The following DOK6 variants were observed in gnomAD, a reference collection of about 807,000 sequenced individuals.
DOK6 encodes the protein downstream of tyrosine kinase 6.
In DOK6, 22 loss-of-function variants were observed where a neutral mutation model predicts 44.0. That is an observed-to-expected ratio of 0.50 (90% CI 0.36 to 0.71). The LOEUF is 0.71. DOK6 is among the 30% of genes least tolerant of loss of function. The pLI, the probability that DOK6 is intolerant of heterozygous loss-of-function variation, is 0.00. For missense variants in DOK6, 340 were observed against 416.4 expected (o/e 0.82, Z 1.60); for synonymous variants, 166 against 145.5 (o/e 1.14, Z -1.01).
chr18:69,841,128 C>CTTT, intron 7 of DOK6, 116 bp from the exon 8 acceptor site: 1 of 1,342,220 alleles, frequency 7.5e-7, no homozygotes, highest in South Asian at 1.4e-5. Flanking sequence ...AAAGCTGCTG[C>CTTT]CTTGTTTATT....
At chr18:69,525,328 T>G (rs1367861772) in intron 1 of DOK6, among the ~76,000 whole-genome samples, 1 of 151,982 alleles carries the variant, frequency 6.6e-6, no homozygotes, top group Non-Finnish European at 1.5e-5. Context: ...CTTTATATTT[T>G]AAAATTTTAA....
intron 2 of DOK6, among the ~76,000 whole-genome samples, chr18:69,593,136 TG>T (rs1983659747): frequency 6.6e-6 from 1 of 152,118 alleles, no homozygotes; most frequent in Non-Finnish European, 1.5e-5. Flanking sequence ...AGGCCAAGGC[TG>T]GAAGGTAGCT....
At chr18:69,785,738 G>C (rs185206853) in intron 7 of DOK6, among the ~76,000 whole-genome samples, 4 of 152,124 alleles carry the variant, frequency 2.6e-5, no homozygotes, top group Admixed American at 6.5e-5. Context: ...CCTCATTCCT[G>C]ACATTACGTT....
At position 69,435,037 on chromosome 18, in the gene DOK6, A is replaced by AGGACGGACGGAC. The variant is rs796877837; in HGVS notation, c.66+33730_66+33731insCGGACGGACGGA. ...GTGTAGGGAGGGAGGGAAGGAAGGAAGGAAGGAAGGAAGGAAGGAAGGAAG... is the reference window on the plus strand; with the variant it reads ...GTGTAGGGAGGGAGGGAAGGAAGGAAGGACGGACGGACGGAAGGAAGGAAGGAAGGAAGGAAG... On this transcript the variant is annotated intron_variant, in intron 1 of 7. Transcript: ENST00000382713. Among the ~76,000 whole-genome samples, 286 of 78,362 alleles carry AGGACGGACGGAC rather than the reference A, an allele frequency of 3.6e-3. 7 individuals carry two copies. The highest frequency in any genetic ancestry group is 0.013 in the African/African-American group (260 of 20,190). The allele number at this position is 78,362 out of a possible 152,430, so 51.4% of individuals were successfully genotyped here.
chr18:69,802,504 C>A (rs1002634716), intron 7 of DOK6, among the ~76,000 whole-genome samples: 1 of 152,032 alleles, frequency 6.6e-6, no homozygotes, highest in Non-Finnish European at 1.5e-5. Context: ...TGTTTTGTCA[C>A]CTCCAAATCT....
At chr18:69,611,386 G>T (rs1415676215) in intron 3 of DOK6, among the ~76,000 whole-genome samples, 1 of 152,082 alleles carries the variant, frequency 6.6e-6, no homozygotes, top group Non-Finnish European at 1.5e-5. Context: ...AGTCAGTTTG[G>T]AAAACTGTTT....
At chr18:69,429,035 A>G (rs1304770374) in intron 1 of DOK6, among the ~76,000 whole-genome samples, 1 of 152,210 alleles carries the variant, frequency 6.6e-6, no homozygotes, top group Admixed American at 6.5e-5. Flanking sequence ...TGCTTGGACT[A>G]CTTCGATCTG....
intron 1 of DOK6, among the ~76,000 whole-genome samples, chr18:69,476,961 G>T (rs1980282917): frequency 6.6e-6 from 1 of 152,162 alleles, no homozygotes; most frequent in Admixed American, 6.5e-5. Context: ...ACAGTAAAAG[G>T]TTGCTTGGAT....
intron 1 of DOK6, among the ~76,000 whole-genome samples, chr18:69,550,986 G>A (rs1982552680): frequency 6.7e-6 from 1 of 150,274 alleles, no homozygotes; most frequent in African/African-American, 2.4e-5. Flanking sequence ...ATTTCATCAT[G>A]TTGCCCAGGC....
chr18:69,520,246 A>T (rs942135209), intron 1 of DOK6, among the ~76,000 whole-genome samples: 6 of 151,112 alleles, frequency 4.0e-5, no homozygotes, highest in Non-Finnish European at 5.9e-5. Flanking sequence ...AAATATATTT[A>T]CTTATTTAAA....
At chr18:69,662,317 T>A (rs1223017204) in intron 3 of DOK6, 1 of 152,290 alleles carries the variant, frequency 6.6e-6, no homozygotes, top group Non-Finnish European at 1.5e-5. Context: ...CTCTTCTGTC[T>A]TGTTTCTCCT....
intron 3 of DOK6, among the ~76,000 whole-genome samples, chr18:69,668,649 T>C (rs959751842): frequency 6.6e-6 from 1 of 152,182 alleles, no homozygotes; most frequent in Non-Finnish European, 1.5e-5. Flanking sequence ...TAGTTCTCTA[T>C]GGACTTTTGT....
rs748333355 is a variant in DOK6, at chr18:69,841,341, C to G, written c.954C>G (p.Ser318=). The G allele has an allele frequency of 1.2e-6, 2 of 1,614,068 alleles. No individual in the cohort carries two copies. The highest frequency in any genetic ancestry group is 1.7e-6 in the Non-Finnish European group (2 of 1,180,044). The change falls in exon 8 of 8, where the codon TCC becomes TCG. Residue 318 remains serine, a synonymous_variant. Transcript: ENST00000382713. ...AGGCCCAGCAGCCGTTGTCGCGGTC[C>G]AGCAGCTATGGATTCAGCTACAGCT... is the stretch of plus-strand genomic sequence containing the variant. The part of the protein sequence containing the change: ...SEEAQQPLSR[S]SSYGFSYSSS...
At chr18:69,809,431 GA>G (rs761706510) in intron 7 of DOK6, among the ~76,000 whole-genome samples, 33 of 151,538 alleles carry the variant, frequency 2.2e-4, no homozygotes, top group Admixed American at 7.2e-4. Flanking sequence ...CATAGTACTG[GA>G]AAAGCCTAGC....
At chr18:69,811,554 ATATATATATATATATATATATATC>A (rs1414709833) in intron 7 of DOK6, among the ~76,000 whole-genome samples, 2,255 of 21,112 alleles carry the variant, frequency 0.11, 60 homozygotes, top group Non-Finnish European at 0.19. Context: ...ATATATATAT[ATATATATATATATATATATATATC>A]AAAACACTAC....
At chr18:69,734,543 G>A (rs556427326) in intron 5 of DOK6, among the ~76,000 whole-genome samples, 25 of 152,008 alleles carry the variant, frequency 1.6e-4, no homozygotes, top group African/African-American at 5.1e-4. Context: ...ATAATTAAAC[G>A]TTAAATTTTA....
intron 1 of DOK6, among the ~76,000 whole-genome samples, chr18:69,517,546 A>G (rs367694435): frequency 6.6e-6 from 1 of 152,066 alleles, no homozygotes; most frequent in Non-Finnish European, 1.5e-5. Context: ...TCTTGTATGT[A>G]TGTATGCATT....
At chr18:69,481,165 A>C (rs940184062) in intron 1 of DOK6, among the ~76,000 whole-genome samples, 2 of 152,146 alleles carry the variant, frequency 1.3e-5, no homozygotes, top group African/African-American at 4.8e-5. Flanking sequence ...CTTGAGGTTC[A>C]TATCTGAGAG....
intron 3 of DOK6, among the ~76,000 whole-genome samples, chr18:69,601,528 C>T (rs143808027): frequency 3.4e-4 from 51 of 152,060 alleles, no homozygotes; most frequent in African/African-American, 1.2e-3. Context: ...AACAGAGGAC[C>T]AGGGTGTTCA....
Sources: allele counts gnomAD v4.1 joint callset (sites outside exome capture counted in the v4.1 genomes callset), GRCh38; gene constraint gnomAD v4.1.1; transcripts MANE v1.5; gene names NCBI Gene and HGNC (gene_info 2026-07-23, HGNC 2026-07-21).